CDH13: variants seen among roughly 807,000 people sequenced by gnomAD.
The protein encoded by CDH13 is cadherin 13.
Under a neutral mutation model 63.8 loss-of-function variants are expected in CDH13, and 24 were observed. The observed-to-expected ratio is 0.38, with a 90% CI of 0.27 to 0.53. The LOEUF is 0.53. CDH13 is among the 20% of genes least tolerant of loss of function. The pLI is 0.85. For missense variants in CDH13, 1,049 were observed against 903.1 expected (o/e 1.16, Z -2.07); for synonymous variants, 503 against 355.3 (o/e 1.42, Z -4.67).
intron 4 of CDH13, among the ~76,000 whole-genome samples, chr16:83,164,781 G>C (rs916810324): frequency 4.0e-5 from 6 of 151,692 alleles, no homozygotes; most frequent in Non-Finnish European, 7.4e-5. Context: ...GCTTCTGCCA[G>C]TAATAGAGAC....
chr16:83,505,576 T>G (rs1293634770), intron 7 of CDH13, among the ~76,000 whole-genome samples: 1 of 142,826 alleles, frequency 7.0e-6, no homozygotes. Context: ...GAGTTTTTGC[T>G]CTTGTTGCCC....
intron 1 of CDH13, among the ~76,000 whole-genome samples, chr16:82,810,532 A>G (rs192988287): frequency 2.6e-4 from 39 of 152,268 alleles, no homozygotes; most frequent in Non-Finnish European, 5.0e-4. Flanking sequence ...GAAAATGACA[A>G]GGGTGCTTTT....
intron 1 of CDH13, among the ~76,000 whole-genome samples, chr16:82,739,013 C>G (rs985851468): frequency 6.6e-6 from 1 of 152,166 alleles, no homozygotes; most frequent in Non-Finnish European, 1.5e-5. Context: ...AAGCAGTGAG[C>G]AAGATACGTT....
At chr16:82,875,056 G>C (rs1180689609) in intron 2 of CDH13, among the ~76,000 whole-genome samples, 1 of 152,222 alleles carries the variant, frequency 6.6e-6, no homozygotes, top group African/African-American at 2.4e-5. Context: ...CCTGGAGTCT[G>C]CACATGACAG....
intron 6 of CDH13, among the ~76,000 whole-genome samples, chr16:83,433,907 G>T (rs934656323): frequency 2.6e-5 from 4 of 152,050 alleles, no homozygotes; most frequent in African/African-American, 9.7e-5. Context: ...TATGAATTAT[G>T]CTTAGTGGCT....
intron 6 of CDH13, among the ~76,000 whole-genome samples, chr16:83,404,047 T>C (rs2092007008): frequency 6.6e-6 from 1 of 152,230 alleles, no homozygotes; most frequent in Non-Finnish European, 1.5e-5. Flanking sequence ...GAATATTTTC[T>C]GAATCATAAT....
chr16:83,389,629 C>T (rs1385969478), intron 6 of CDH13, among the ~76,000 whole-genome samples: 1 of 152,210 alleles, frequency 6.6e-6, no homozygotes, highest in Non-Finnish European at 1.5e-5. Context: ...TTAGACTTAT[C>T]TGGTCACTTC....
intron 6 of CDH13, among the ~76,000 whole-genome samples, chr16:83,477,483 G>T (rs1043728633): frequency 3.3e-5 from 5 of 152,122 alleles, no homozygotes; most frequent in Non-Finnish European, 5.9e-5. Context: ...GTTCCTATGG[G>T]ATGGCACTTC....
chr16:82,848,421 T>G (rs1213342971), intron 1 of CDH13, among the ~76,000 whole-genome samples: 1 of 152,216 alleles, frequency 6.6e-6, no homozygotes, highest in African/African-American at 2.4e-5. Context: ...TGAGCAAGTT[T>G]ATGGGTGCTG....
At chr16:83,234,889 A>G (rs1157077074) in intron 5 of CDH13, among the ~76,000 whole-genome samples, 1 of 152,110 alleles carries the variant, frequency 6.6e-6, no homozygotes, top group Non-Finnish European at 1.5e-5. Flanking sequence ...AGCTCCACAC[A>G]CTGACTCTGT....
Position 82,876,523 on chromosome 16 carries a change from T to TA in CDH13, c.157+18057dup, listed in dbSNP as rs1220394619. Among the ~76,000 whole-genome samples the TA allele has an allele frequency of 3.3e-5, 5 of 152,284 alleles. No homozygotes were observed. In the South Asian group the frequency reaches 8.3e-4, roughly 25 times the overall value. On this transcript the variant is annotated intron_variant, in intron 2 of 13. Transcript: ENST00000567109. ...TCCAAAGACATAAAAGGTAAGCTTT[T>TA]AAAAAAATAGATGGAACAGGTATAA...
intron 1 of CDH13, among the ~76,000 whole-genome samples, chr16:82,658,446 G>T (rs570600575): frequency 6.6e-6 from 1 of 152,278 alleles, no homozygotes; most frequent in East Asian, 1.9e-4. Context: ...TCCCATCATG[G>T]TTACATTTTA....
chr16:83,175,523 G>A (rs1431322117), intron 4 of CDH13, among the ~76,000 whole-genome samples: 2 of 152,042 alleles, frequency 1.3e-5, no homozygotes, highest in Non-Finnish European at 2.9e-5. Context: ...GGGCACCACT[G>A]ACTGAATCAG....
chr16:83,015,265 A>T (rs1914642504), intron 2 of CDH13, among the ~76,000 whole-genome samples: 1 of 152,054 alleles, frequency 6.6e-6, no homozygotes, highest in South Asian at 2.1e-4. Context: ...ATTAAATAAT[A>T]TGAGTTAAAG....
chr16:83,570,232 C>T (rs1904448229), intron 7 of CDH13, among the ~76,000 whole-genome samples: 1 of 152,158 alleles, frequency 6.6e-6, no homozygotes, highest in Middle Eastern at 3.2e-3. Context: ...ATCGTAGATG[C>T]CAAACAGAGT....
At chr16:83,678,608 G>C (rs1215317560) in intron 10 of CDH13, 147 bp downstream of exon 10, 2 of 1,072,826 alleles carry the variant, frequency 1.9e-6, no homozygotes, top group East Asian at 2.6e-5. Flanking sequence ...GTCATAGAGA[G>C]GAGGTTGTGG....
intron 4 of CDH13, among the ~76,000 whole-genome samples, chr16:83,194,249 C>T (rs1004193380): frequency 6.6e-6 from 1 of 152,204 alleles, no homozygotes; most frequent in East Asian, 1.9e-4. Flanking sequence ...CACGGGGGCC[C>T]CCTCTGGCCT....
At position 83,295,694 on chromosome 16, in the gene CDH13, G is replaced by A. The variant is rs553659974; in HGVS notation, c.637-49168G>A. The stretch of plus-strand genomic sequence containing the variant: ...ATATAAATGTTGGCAAGGATGTGGA[G>A]AAATGAGGAACCCTTGCCCACTGTT... On this transcript the variant is annotated intron_variant, in intron 5 of 13. Transcript: ENST00000567109. Among the ~76,000 whole-genome samples the A allele has an allele frequency of 6.6e-5, 10 of 152,290 alleles. No individual in the cohort carries two copies. In the East Asian group the frequency reaches 1.9e-3, roughly 29 times the overall value.
At chr16:83,276,389 A>T (rs2088989189) in intron 5 of CDH13, among the ~76,000 whole-genome samples, 1 of 152,054 alleles carries the variant, frequency 6.6e-6, no homozygotes, top group Admixed American at 6.5e-5. Flanking sequence ...TTCCCATATG[A>T]CTTGCAAGCA....
Sources: allele counts gnomAD v4.1 joint callset (sites outside exome capture counted in the v4.1 genomes callset), GRCh38; gene constraint gnomAD v4.1.1; transcripts MANE v1.5; gene names NCBI Gene and HGNC (gene_info 2026-07-23, HGNC 2026-07-21).